Variants in ACACA observed in about 807,000 individuals in gnomAD.
The protein encoded by ACACA is acetyl-CoA carboxylase 1.
A neutral mutation model predicts 296.1 loss-of-function variants in ACACA; 103 were observed. The observed-to-expected ratio is 0.35, with a 90% confidence interval of 0.30 to 0.41. ACACA has a LOEUF of 0.41. Among genes scored for constraint, ACACA ranks in the 10% least tolerant of loss-of-function variants. The pLI is 1.00. For synonymous variants in ACACA, 953 were observed against 1,038.6 expected (o/e 0.92, Z 1.58); for missense variants, 1,554 against 2,989.7 (o/e 0.52, Z 11.20).
At chr17:37,398,755 TG>T (rs1568106912) in intron 1 of ACACA, among the ~76,000 whole-genome samples, 1 of 124,006 alleles carries the variant, frequency 8.1e-6, no homozygotes, top group Admixed American at 9.2e-5. Context: ...AGCTAGTTTT[TG>T]TATTTTTAGT....
chr17:37,190,748 C>T (rs2077720351), intron 38 of ACACA, among the ~76,000 whole-genome samples: 1 of 152,038 alleles, frequency 6.6e-6, no homozygotes, highest in African/African-American at 2.4e-5. Context: ...AGCCAAAATG[C>T]TTAGTAACAG....
At position 37,085,787 on chromosome 17, in the gene ACACA, G is replaced by C. The variant is rs2072160245; in HGVS notation, c.*1529C>G. The C allele has an allele frequency of 2.5e-6, 1 of 399,086 alleles. No individual in the cohort carries two copies. Among genetic ancestry groups the C allele is most frequent in the South Asian group, 1.3e-4 (1 of 7,866 alleles). 24.7% of individuals were successfully genotyped at this position (399,086 alleles called of 1,614,324 possible). On this transcript the variant is annotated 3_prime_UTR_variant, in exon 56 of 56. Transcript: ENST00000616317. Reference sequence around the variant, plus strand: ...AGAAGGGGAGGTGGAGCTCGTTCTTGTGTGCAAACTACAGGGTTAAGGCTC... The same window carrying C: ...AGAAGGGGAGGTGGAGCTCGTTCTTCTGTGCAAACTACAGGGTTAAGGCTC...
chr17:37,298,323 G>A (rs1292578313), intron 3 of ACACA, among the ~76,000 whole-genome samples: 1 of 152,092 alleles, frequency 6.6e-6, no homozygotes, highest in East Asian at 1.9e-4. Flanking sequence ...CTTTGCCTAA[G>A]TTTAGTTTAA....
chr17:37,170,021 G>A (rs917628444), intron 41 of ACACA, among the ~76,000 whole-genome samples: 4 of 152,070 alleles, frequency 2.6e-5, no homozygotes, highest in Non-Finnish European at 5.9e-5. Flanking sequence ...GTGGTCCTAG[G>A]TACTTACTAC....
intron 1 of ACACA, among the ~76,000 whole-genome samples, chr17:37,370,514 G>A (rs1029273740): frequency 6.7e-5 from 10 of 149,812 alleles, no homozygotes; most frequent in Admixed American, 6.7e-5. Flanking sequence ...AAAATTAGCC[G>A]GGCATGGTGG....
At chr17:37,193,507 A>C (rs2305097) in intron 35 of ACACA, 92 bp from the exon 36 acceptor site, 214,606 of 987,128 alleles carry the variant, frequency 0.22, 27,341 homozygotes, top group Admixed American at 0.44. Context: ...CATTTAGAAG[A>C]CAGTTTTCTA....
At chr17:37,276,996 G>A in intron 7 of ACACA, 37 bp downstream of exon 7, 2 of 1,577,180 alleles carry the variant, frequency 1.3e-6, no homozygotes, top group Non-Finnish European at 1.7e-6. Flanking sequence ...TTGACAGAAA[G>A]AAACAGAAAG....
intron 1 of ACACA, among the ~76,000 whole-genome samples, chr17:37,371,974 TTG>T (rs2049822999): frequency 2.6e-5 from 4 of 152,116 alleles, no homozygotes; most frequent in Non-Finnish European, 5.9e-5. Context: ...TCCCAGCACT[TTG>T]AGAGGCTGGG....
chr17:37,089,858 T>A (rs1417818722), intron 54 of ACACA, among the ~76,000 whole-genome samples: 1 of 152,206 alleles, frequency 6.6e-6, no homozygotes, highest in Non-Finnish European at 1.5e-5. Context: ...TCTCCTCTCA[T>A]TTTCTTTACA....
intron 35 of ACACA, among the ~76,000 whole-genome samples, chr17:37,195,005 G>A (rs1370389268): frequency 4.6e-5 from 7 of 151,484 alleles, no homozygotes; most frequent in South Asian, 2.1e-4. Flanking sequence ...ATTCAGCTGA[G>A]GTGTCGATAA....
At position 37,224,966 on chromosome 17, in the gene ACACA, TTATATATA is replaced by T. The variant is rs200129602; in HGVS notation, c.3474+18_3474+25del. ...AAGAGTCCAGATAGGCAGGAAAGGG[TTATATATA>T]TATATATATATATATACCTGCAGGT... On this transcript the variant is annotated intron_variant, in intron 27 of 55. Transcript: ENST00000616317. The T allele has an allele frequency of 5.3e-4, 480 of 910,748 alleles. No homozygotes were observed. The highest frequency in any genetic ancestry group is 1.9e-3 in the Admixed American group (77 of 40,766). 56.4% of individuals were successfully genotyped at this position (910,748 alleles called of 1,614,324 possible). A position where few individuals can be genotyped will look rare whatever the true frequency, so the allele number is the denominator to read the frequency against.
At chr17:37,203,580 C>T (rs2145327924) in intron 33 of ACACA, among the ~76,000 whole-genome samples, 1 of 151,778 alleles carries the variant, frequency 6.6e-6, no homozygotes, top group South Asian at 2.1e-4. Flanking sequence ...CCCATCTCTA[C>T]TAAAATACAA....
chr17:37,358,808 G>A (rs2049266325), intron 1 of ACACA, among the ~76,000 whole-genome samples: 2 of 152,202 alleles, frequency 1.3e-5, no homozygotes, highest in Admixed American at 1.3e-4. Context: ...TGTCTCTAGG[G>A]AGGGGACCTC....
At chr17:37,359,071 C>T in intron 1 of ACACA, 1 of 985,914 alleles carries the variant, frequency 1.0e-6, no homozygotes, top group Non-Finnish European at 1.2e-6. Context: ...CGGGAGGAGA[C>T]GCCGGCGGCT....
chr17:37,243,390 C>T lies in ACACA; in HGVS notation c.2912G>A (p.Cys971Tyr). 1 of 1,614,146 alleles carries T rather than the reference C, an allele frequency of 6.2e-7. No individual in the cohort carries two copies. Among genetic ancestry groups the T allele is most frequent in the Admixed American group, 1.7e-5 (1 of 60,022 alleles). Residue 971 changes from cysteine (C) to tyrosine (Y), a missense_variant, in exon 22 of 56, where the codon TGT becomes TAT. Cys to Tyr is a radical substitution (Grantham distance 194). Coordinates refer to ENST00000616317, the MANE Select transcript of ACACA (RefSeq NM_198834.3). ...AAATACCTGCTGGCTGGGAAACTGA[C>T]AGAGGACTGATGTGATGTTGCTAGC... Reference protein sequence around the residue: ...QYASNITSVLCQFPSQQIANI... With the variant: ...QYASNITSVLYQFPSQQIANI...
intron 25 of ACACA, among the ~76,000 whole-genome samples, chr17:37,230,157 G>C (rs1028188949): frequency 1.4e-4 from 22 of 151,898 alleles, no homozygotes; most frequent in Non-Finnish European, 2.8e-4. Flanking sequence ...GGCCAAGGTA[G>C]GTGGATCACC....
At chr17:37,381,885 C>T (rs576604395) in intron 1 of ACACA, among the ~76,000 whole-genome samples, 4 of 152,234 alleles carry the variant, frequency 2.6e-5, no homozygotes, top group Non-Finnish European at 5.9e-5. Context: ...CCTTGGCCTC[C>T]CAAAGTGCTG....
chr17:37,396,656 A>G (rs1463128194), intron 1 of ACACA, among the ~76,000 whole-genome samples: 2 of 152,160 alleles, frequency 1.3e-5, no homozygotes, highest in South Asian at 2.1e-4. Flanking sequence ...TCCTATGTCT[A>G]TGTCCATAAC....
At chr17:37,390,330 A>ATATATATATCTATATATATC in intron 1 of ACACA, among the ~76,000 whole-genome samples, 1 of 41,582 alleles carries the variant, frequency 2.4e-5, no homozygotes, top group Admixed American at 5.0e-4. Flanking sequence ...ATATATATAT[A>ATATATATATCTATATATATC]TATAAAAGGC....
Sources: gnomAD v4.1 joint callset for allele counts (sites outside exome capture counted in the v4.1 genomes callset) on GRCh38, gnomAD v4.1.1 for gene constraint, MANE v1.5 for transcripts, NCBI Gene and HGNC (gene_info 2026-07-23, HGNC 2026-07-21) for gene names.